The following KDM4C variants were observed in gnomAD, a reference collection of about 807,000 sequenced individuals.
KDM4C encodes the protein lysine demethylase 4C.
KDM4C carries 81 observed loss-of-function variants against 129.3 expected under a neutral mutation model. The observed-to-expected ratio is 0.63, with a 90% confidence interval of 0.52 to 0.75. KDM4C has a LOEUF of 0.75. Ranked by LOEUF, KDM4C falls within the 30% of genes least tolerant of loss-of-function variation. The pLI is 0.00. For missense variants in KDM4C, 1,457 were observed against 1,304.0 expected, an observed-to-expected ratio of 1.12 and a Z score of -1.81; for synonymous variants, 573 against 456.1, an observed-to-expected ratio of 1.26 and a Z score of -3.26.
intron 8 of KDM4C, among the ~76,000 whole-genome samples, chr9:6,939,959 A>AATCTATCTACCTACCTACCTACCT (rs149769129): frequency 2.7e-5 from 3 of 112,458 alleles, no homozygotes; most frequent in African/African-American, 9.4e-5. Flanking sequence ...TCCAATAACC[A>AATCTATCTACCTACCTACCTACCT]ACCTACCTAC....
rs761483908 is a variant in KDM4C at position 7,013,794 on chromosome 9, A to G, written c.1975A>G (p.Ser659Gly). ...TLLMPYHKPD[S>G]SNEENDARWE... ...GAAACGTTATGTTTTTCAGCCAGAT[A>G]GCAGCAATGAAGAAAATGATGCTAG... The change falls in exon 14 of 22, where the codon AGC becomes GGC. Residue 659 changes from serine to glycine, a missense_variant. Transcript: ENST00000381309. The G allele has an allele frequency of 9.9e-6, 16 of 1,613,740 alleles. No individual in the cohort carries two copies. The East Asian group carries it at 3.1e-4, about 31-fold the overall frequency.
At chr9:6,920,214 A>G (rs1267344276) in intron 8 of KDM4C, among the ~76,000 whole-genome samples, 1 of 152,138 alleles carries the variant, frequency 6.6e-6, no homozygotes, top group Non-Finnish European at 1.5e-5. Context: ...AGCAGTCCTC[A>G]TGTGCTGAGT....
chr9:6,803,346 T>G (rs567812718), intron 2 of KDM4C, among the ~76,000 whole-genome samples: 1 of 151,674 alleles, frequency 6.6e-6, no homozygotes, highest in Non-Finnish European at 1.5e-5. Context: ...GCAGAGGTGG[T>G]CGGATCACGC....
In KDM4C at chr9:7,003,950, A is replaced by G. The variant is rs549407593; in HGVS notation, c.1787-7748A>G. On this transcript the variant is annotated intron_variant, in intron 12 of 21. Transcript: ENST00000381309. ...CCCTGCAGGATGTTTGAAACCATAT[A>G]TAAATGCCTCCCAGGACTGAGATTT... Among the ~76,000 whole-genome samples, 210 of 152,182 alleles carry G rather than the reference A, an allele frequency of 1.4e-3. 1 individual carries two copies. The highest frequency in any genetic ancestry group is 1.7e-3 in the Non-Finnish European group (115 of 68,024).
At chr9:7,078,856 G>A (rs1347024606) in intron 17 of KDM4C, among the ~76,000 whole-genome samples, 2 of 152,292 alleles carry the variant, frequency 1.3e-5, no homozygotes, top group Non-Finnish European at 2.9e-5. Flanking sequence ...GATTGACTGG[G>A]AGAATTCACA....
intron 1 of KDM4C, among the ~76,000 whole-genome samples, chr9:6,767,641 A>C (rs927362920): frequency 6.6e-6 from 1 of 151,966 alleles, no homozygotes; most frequent in Non-Finnish European, 1.5e-5. Flanking sequence ...TGCCGTTTTT[A>C]GTAGAGATGG....
rs759501262 is a variant in KDM4C, at chr9:7,016,425, CTTTTT to C, written c.2259+511_2259+515del. ...TACAGGCGGGAGCCACTGTTCCTGGCTTTTTTTTTTTTTTTTTTTGAGATGGAGTC... is the reference window on the plus strand; with the variant it reads ...TACAGGCGGGAGCCACTGTTCCTGGCTTTTTTTTTTTTTTGAGATGGAGTC... On this transcript the variant is annotated intron_variant, in intron 15 of 21. Coordinates refer to ENST00000381309, the MANE Select transcript of KDM4C (RefSeq NM_015061.6). Among the ~76,000 whole-genome samples the C allele has an allele frequency of 4.9e-5, 5 of 102,714 alleles. No individual in the cohort carries two copies. In the East Asian group the frequency reaches 1.3e-3, roughly 28 times the overall value. The allele number at this position is 102,714 out of a possible 152,430, so 67.4% of individuals were successfully genotyped here.
At chr9:7,081,858 G>A (rs1295527869) in intron 17 of KDM4C, among the ~76,000 whole-genome samples, 2 of 152,142 alleles carry the variant, frequency 1.3e-5, no homozygotes, top group South Asian at 4.2e-4. Flanking sequence ...TATTACCTCC[G>A]AAATTCAAGG....
intron 16 of KDM4C, among the ~76,000 whole-genome samples, chr9:7,048,345 T>C (rs570515842): frequency 6.6e-6 from 1 of 152,224 alleles, no homozygotes; most frequent in East Asian, 1.9e-4. Context: ...ACTGTTTGAG[T>C]GAAGTAAATA....
intron 5 of KDM4C, among the ~76,000 whole-genome samples, chr9:6,853,077 C>T (rs1208679796): frequency 6.6e-6 from 1 of 151,938 alleles, no homozygotes; most frequent in Non-Finnish European, 1.5e-5. Flanking sequence ...ACTTAACACA[C>T]AGGGCCTGGC....
At chr9:6,913,976 G>A (rs1038774213) in intron 8 of KDM4C, among the ~76,000 whole-genome samples, 6 of 152,158 alleles carry the variant, frequency 3.9e-5, no homozygotes, top group Admixed American at 6.5e-5. Context: ...CACTTTCTGC[G>A]TTTCTTTTTC....
intron 19 of KDM4C, among the ~76,000 whole-genome samples, chr9:7,134,254 C>A (rs1005558898): frequency 6.6e-6 from 1 of 152,210 alleles, no homozygotes; most frequent in Non-Finnish European, 1.5e-5. Context: ...TGAAAGGCTT[C>A]ACCAAATTCC....
chr9:6,786,400 A>G (rs182152087), intron 1 of KDM4C, among the ~76,000 whole-genome samples: 15 of 152,342 alleles, frequency 9.8e-5, no homozygotes, highest in African/African-American at 2.9e-4. Flanking sequence ...GGTACTTGCT[A>G]TAAATATCGT....
intron 8 of KDM4C, among the ~76,000 whole-genome samples, chr9:6,919,565 A>G (rs538952054): frequency 2.0e-5 from 3 of 150,124 alleles, no homozygotes; most frequent in South Asian, 2.1e-4. Context: ...CTATCTATCT[A>G]TCTATCTATC....
chr9:7,006,162 A>G lies in KDM4C; in HGVS notation c.1787-5536A>G, dbSNP rs116100162. Among the ~76,000 whole-genome samples, 1,113 of 152,366 alleles carry G rather than the reference A, an allele frequency of 7.3e-3. 16 individuals are homozygous for G. Among genetic ancestry groups the G allele is most frequent in the African/African-American group, 0.025 (1,051 of 41,586 alleles). On this transcript the variant is annotated intron_variant, in intron 12 of 21. Coordinates refer to ENST00000381309, the MANE Select transcript of KDM4C (RefSeq NM_015061.6). ...GGAAGTTTTATTAATCTGCAGGAAT[A>G]CTGCAAATTAGTATAAGTAGAAAAC... is the stretch of plus-strand genomic sequence containing the variant.
At chr9:6,735,588 C>A (rs747820521) in intron 1 of KDM4C, among the ~76,000 whole-genome samples, 10 of 152,198 alleles carry the variant, frequency 6.6e-5, no homozygotes, top group African/African-American at 9.6e-5. Context: ...CCTGCACAAG[C>A]CCTCTCTTTT....
chr9:6,818,012 A>G (rs1399937888), intron 4 of KDM4C, among the ~76,000 whole-genome samples: 1 of 151,604 alleles, frequency 6.6e-6, no homozygotes, highest in African/African-American at 2.4e-5. Flanking sequence ...TGATCTGCCT[A>G]CCTCAGCCTT....
chr9:7,099,898 T>C (rs898178812), intron 17 of KDM4C, among the ~76,000 whole-genome samples: 2 of 151,952 alleles, frequency 1.3e-5, no homozygotes, highest in African/African-American at 4.8e-5. Flanking sequence ...TTTTTCAATT[T>C]TATTTTTTAA....
intron 15 of KDM4C, among the ~76,000 whole-genome samples, chr9:7,032,952 A>G (rs907949465): frequency 6.6e-6 from 1 of 152,194 alleles, no homozygotes; most frequent in Non-Finnish European, 1.5e-5. Context: ...TTCTGCCTAG[A>G]GGACCTTTCC....
Sources: gnomAD v4.1 joint callset for allele counts (sites outside exome capture counted in the v4.1 genomes callset) on GRCh38, gnomAD v4.1.1 for gene constraint, MANE v1.5 for transcripts, NCBI Gene and HGNC (gene_info 2026-07-23, HGNC 2026-07-21) for gene names.